DCAF6: variants seen among roughly 807,000 people sequenced by gnomAD.
DCAF6 encodes the protein DDB1- and CUL4-associated factor 6.
Under a neutral mutation model 125.1 loss-of-function variants are expected in DCAF6, and 54 were observed. That is an observed-to-expected ratio of 0.43 (90% CI 0.35 to 0.54). DCAF6 has a LOEUF of 0.54. Ranked by LOEUF, DCAF6 falls within the 20% of genes least tolerant of loss-of-function variation. The pLI, the probability that DCAF6 is intolerant of heterozygous loss-of-function variation, is 0.01. For missense variants in DCAF6, 934 were observed against 1,161.7 expected (o/e 0.80, Z 2.85); for synonymous variants, 371 against 390.4 (o/e 0.95, Z 0.58).
intron 3 of DCAF6, among the ~76,000 whole-genome samples, chr1:167,967,432 G>T (rs1238442624): frequency 6.6e-6 from 1 of 152,142 alleles, no homozygotes; most frequent in African/African-American, 2.4e-5. Flanking sequence ...TTACAAGGAT[G>T]GTTTCAGAGA....
chr1:167,976,900 T>G (rs1343237722), intron 4 of DCAF6, among the ~76,000 whole-genome samples: 12 of 118,210 alleles, frequency 1.0e-4, no homozygotes, highest in South Asian at 2.9e-4. Flanking sequence ...TTTTTTTTTT[T>G]TTTTTTTTTT....
At chr1:168,040,939 G>T (rs1174091850) in intron 13 of DCAF6, among the ~76,000 whole-genome samples, 1 of 142,958 alleles carries the variant, frequency 7.0e-6, no homozygotes, top group Non-Finnish European at 1.5e-5. Context: ...AAAGTATACA[G>T]ACTTTTTCAT....
intron 4 of DCAF6, among the ~76,000 whole-genome samples, chr1:167,976,429 G>A (rs1288132193): frequency 2.6e-5 from 4 of 152,138 alleles, no homozygotes; most frequent in Non-Finnish European, 5.9e-5. Context: ...CCAAGACTGC[G>A]CTACTGTACT....
intron 10 of DCAF6, among the ~76,000 whole-genome samples, chr1:168,009,656 A>G (rs527571835): frequency 3.7e-4 from 56 of 151,264 alleles, no homozygotes; most frequent in African/African-American, 1.3e-3. Context: ...ATGCTTGGGA[A>G]GCCCTTGTCC....
At chr1:167,958,565 GTTTTA>G (rs1409331137) in intron 2 of DCAF6, among the ~76,000 whole-genome samples, 3 of 151,852 alleles carry the variant, frequency 2.0e-5, no homozygotes, top group Non-Finnish European at 4.4e-5. Context: ...AGTTTTTCTA[GTTTTA>G]TTTTAGGTGA....
intron 1 of DCAF6, 164 bp downstream of exon 1, chr1:167,937,172 C>T (rs1671398634): frequency 1.6e-6 from 1 of 637,290 alleles, no homozygotes; most frequent in South Asian, 1.9e-5. Flanking sequence ...GCCGGTGCCT[C>T]CCCCAGTCAA....
At chr1:168,005,389 T>TG (rs1683206600) in intron 10 of DCAF6, among the ~76,000 whole-genome samples, 1 of 151,860 alleles carries the variant, frequency 6.6e-6, no homozygotes, top group African/African-American at 2.4e-5. Flanking sequence ...GTTAAAATGC[T>TG]ATTTTTTTCT....
the DCAF6 span, among the ~76,000 whole-genome samples, chr1:167,880,894 C>G: frequency 6.6e-6 from 1 of 152,168 alleles, no homozygotes; most frequent in African/African-American, 2.4e-5. Flanking sequence ...GGCCAAGGTC[C>G]ATGCTGCAAA....
intron 1 of DCAF6, chr1:167,937,218 G>T: frequency 1.7e-6 from 1 of 603,774 alleles, no homozygotes; most frequent in Non-Finnish European, 3.0e-6. Flanking sequence ...CGCCCTTGCT[G>T]GGTTTTTCTC....
chr1:168,065,696 A>T lies in DCAF6; in HGVS notation c.2546A>T (p.Glu849Val), dbSNP rs776102053. The change falls in exon 19 of 22, where the codon GAA (glutamate) becomes GTA (valine). Residue 849 changes from glutamate to valine, a missense_variant. Glu to Val is a moderately radical substitution (Grantham distance 121, BLOSUM62 -2). Around this residue, in one of 5 missense-constraint regions of DCAF6, gnomAD observed 559 missense variants for 635.5 expected, o/e 0.88. Transcript: ENST00000367840. The stretch of plus-strand genomic sequence containing the variant: ...ACTGCTGAGCATTTGATGCTTCTGG[A>T]AGCTGATAATCATGTGGTAAACTGC... ...RHTAEHLMLL[E>V]ADNHVVNCLQ... is the part of the protein sequence containing the mutation. 6.2e-7 allele frequency: 1 copy of T among 1,613,040 alleles called. No homozygotes were observed. The highest frequency in any genetic ancestry group is 1.7e-5 in the Admixed American group (1 of 59,992).
At chr1:167,920,929 GT>G in the DCAF6 span, among the ~76,000 whole-genome samples, 21 of 151,642 alleles carry the variant, frequency 1.4e-4, no homozygotes, top group Non-Finnish European at 2.8e-4. Context: ...TATATTTTGG[GT>G]TTTTTTTGGT....
intron 10 of DCAF6, among the ~76,000 whole-genome samples, chr1:168,009,206 G>A (rs1004199139): frequency 9.9e-5 from 15 of 151,588 alleles, no homozygotes; most frequent in African/African-American, 3.6e-4. Flanking sequence ...CACCGTGTTG[G>A]CCACGATGGT....
chr1:168,023,378 GTTAATAC>G (rs1234341240), intron 12 of DCAF6: 3 of 368,898 alleles, frequency 8.1e-6, no homozygotes, highest in Non-Finnish European at 1.5e-5. Context: ...TGGGTGTGAG[GTTAATAC>G]TACCTCGTTG....
chr1:167,917,065 ATAACT>A, the DCAF6 span: 3 of 152,256 alleles, frequency 2.0e-5, no homozygotes, highest in Non-Finnish European at 4.4e-5. Context: ...AAATTTTGAA[ATAACT>A]TGCTTTGCTG....
chr1:167,972,885 G>A (rs796296341), intron 3 of DCAF6, among the ~76,000 whole-genome samples: 2 of 152,248 alleles, frequency 1.3e-5, no homozygotes, highest in African/African-American at 2.4e-5. Context: ...ATTTAATAAG[G>A]GAATGCTTTT....
the DCAF6 span, among the ~76,000 whole-genome samples, chr1:167,864,152 G>C: frequency 6.6e-6 from 1 of 152,138 alleles, no homozygotes; most frequent in Non-Finnish European, 1.5e-5. Context: ...TTTGATTTTG[G>C]TTTAGTGTAA....
chr1:167,886,692 CA>C, the DCAF6 span, among the ~76,000 whole-genome samples: 1 of 152,146 alleles, frequency 6.6e-6, no homozygotes. Flanking sequence ...CCAAAATTGA[CA>C]AACAGGATCC....
At chr1:167,913,426 A>G in the DCAF6 span, among the ~76,000 whole-genome samples, 52 of 152,250 alleles carry the variant, frequency 3.4e-4, 1 homozygote, top group African/African-American at 1.3e-3. Context: ...CTCTGAACTT[A>G]AAGGCACAGT....
chr1:167,903,822 T>C, the DCAF6 span: 4 of 1,208,384 alleles, frequency 3.3e-6, no homozygotes, highest in Middle Eastern at 1.9e-4. Flanking sequence ...AGGTTATAAT[T>C]GACAACTACG....
Sources: gnomAD v4.1 joint callset for allele counts (sites outside exome capture counted in the v4.1 genomes callset) on GRCh38, gnomAD v4.1.1 for gene constraint, gnomAD v4.1.1 regional missense constraint, MANE v1.5 for transcripts, NCBI Gene and HGNC (gene_info 2026-07-23, HGNC 2026-07-21) for gene names.